Variants in ATRNL1 observed in about 807,000 individuals in gnomAD.
ATRNL1 encodes attractin like 1.
ATRNL1 carries 95 observed loss-of-function variants against 182.7 expected under a neutral mutation model. The ratio of observed to expected loss-of-function variants is 0.52; its 90% CI spans 0.44 to 0.62. The LOEUF (loss-of-function observed/expected upper bound fraction) is 0.62. ATRNL1 is among the 20% of genes least tolerant of loss of function. ATRNL1 has a pLI of 0.00. For missense variants in ATRNL1, 1,471 were observed against 1,679.5 expected (o/e 0.88, Z 2.17); for synonymous variants, 576 against 568.3 (o/e 1.01, Z -0.19).
At chr10:115,442,728 C>T (rs184625608) in intron 21 of ATRNL1, among the ~76,000 whole-genome samples, 3 of 152,178 alleles carry the variant, frequency 2.0e-5, no homozygotes, top group Non-Finnish European at 2.9e-5. Context: ...GCATATATCA[C>T]TCTCTTAAAA....
intron 13 of ATRNL1, among the ~76,000 whole-genome samples, chr10:115,274,031 G>T (rs1177074566): frequency 1.3e-5 from 2 of 152,170 alleles, no homozygotes; most frequent in Non-Finnish European, 2.9e-5. Context: ...CAGACTAAGA[G>T]CTGTTTCTGC....
intron 28 of ATRNL1, among the ~76,000 whole-genome samples, chr10:115,932,009 C>G (rs1953411381): frequency 6.6e-6 from 1 of 152,184 alleles, no homozygotes; most frequent in African/African-American, 2.4e-5. Flanking sequence ...TCTGATTTAC[C>G]TGCCTGTGGA....
At chr10:115,502,936 C>G (rs189472849) in intron 24 of ATRNL1, among the ~76,000 whole-genome samples, 1 of 152,076 alleles carries the variant, frequency 6.6e-6, no homozygotes, top group African/African-American at 2.4e-5. Context: ...ACCTCCTCTG[C>G]GATAGTTTTT....
At chr10:115,784,016 A>G (rs1356776647) in intron 27 of ATRNL1, among the ~76,000 whole-genome samples, 1 of 151,682 alleles carries the variant, frequency 6.6e-6, no homozygotes, top group Non-Finnish European at 1.5e-5. Context: ...CATCCCAAAA[A>G]CAACAACAAC....
intron 17 of ATRNL1, among the ~76,000 whole-genome samples, chr10:115,303,810 A>G (rs554000399): frequency 2.6e-5 from 4 of 152,310 alleles, no homozygotes; most frequent in South Asian, 2.1e-4. Flanking sequence ...AACTGTAGTT[A>G]CAGTTCAGTC....
At chr10:115,192,900 G>GT (rs1160381492) in intron 8 of ATRNL1, among the ~76,000 whole-genome samples, 5 of 151,752 alleles carry the variant, frequency 3.3e-5, no homozygotes, top group Admixed American at 2.6e-4. Flanking sequence ...GAATGCTACT[G>GT]TTTTTTTGTA....
intron 21 of ATRNL1, among the ~76,000 whole-genome samples, chr10:115,433,609 A>G (rs76438002): frequency 0.014 from 2,128 of 152,202 alleles, 50 homozygotes; most frequent in African/African-American, 0.047. Context: ...CAGTATTTTT[A>G]TTAAATTTTC....
chr10:115,697,310 T>A (rs782147842), intron 26 of ATRNL1, among the ~76,000 whole-genome samples: 3 of 152,034 alleles, frequency 2.0e-5, no homozygotes, highest in Admixed American at 6.6e-5. Flanking sequence ...AATATCACAG[T>A]TGGAATTTAT....
intron 26 of ATRNL1, among the ~76,000 whole-genome samples, chr10:115,597,239 A>C (rs2133932825): frequency 6.6e-6 from 1 of 152,298 alleles, no homozygotes; most frequent in South Asian, 2.1e-4. Flanking sequence ...CTAGTGAATC[A>C]TGTAAGTTCC....
intron 9 of ATRNL1, among the ~76,000 whole-genome samples, chr10:115,219,018 C>T (rs1476457723): frequency 1.3e-5 from 2 of 152,002 alleles, no homozygotes; most frequent in African/African-American, 2.4e-5. Context: ...GGGCAGATCA[C>T]GAGGTCAGGA....
intron 26 of ATRNL1, among the ~76,000 whole-genome samples, chr10:115,639,320 C>A (rs1592990634): frequency 6.6e-6 from 1 of 152,122 alleles, no homozygotes; most frequent in Admixed American, 6.6e-5. Flanking sequence ...GAAAGGGAAA[C>A]AAAAACACTG....
chr10:115,479,275 C>A, intron 24 of ATRNL1, among the ~76,000 whole-genome samples: 1 of 151,464 alleles, frequency 6.6e-6, no homozygotes, highest in East Asian at 1.9e-4. Context: ...GTACCATAGT[C>A]TTATATCTAT....
intron 27 of ATRNL1, among the ~76,000 whole-genome samples, chr10:115,744,645 C>T (rs1555068670): frequency 6.6e-6 from 1 of 151,924 alleles, no homozygotes; most frequent in African/African-American, 2.4e-5. Flanking sequence ...CCTCTTTTTG[C>T]CATAATATTT....
chr10:115,579,380 ATATATG>A (rs1394343736), intron 26 of ATRNL1, among the ~76,000 whole-genome samples: 1 of 151,764 alleles, frequency 6.6e-6, no homozygotes, highest in Non-Finnish European at 1.5e-5. Flanking sequence ...TAAGATGCAT[ATATATG>A]TATAATTATT....
chr10:115,689,578 A>G (rs76872374), intron 26 of ATRNL1, among the ~76,000 whole-genome samples: 2 of 152,180 alleles, frequency 1.3e-5, no homozygotes, highest in African/African-American at 4.8e-5. Flanking sequence ...AACAGCATAC[A>G]CTGGCACCAG....
intron 27 of ATRNL1, among the ~76,000 whole-genome samples, chr10:115,807,189 C>T (rs1555085837): frequency 6.6e-6 from 1 of 151,424 alleles, no homozygotes; most frequent in African/African-American, 2.4e-5. Context: ...GATCTCAGCT[C>T]ACTGCAAACT....
At position 115,180,906 on chromosome 10, in the gene ATRNL1, C is replaced by T. The variant is rs77791883; in HGVS notation, c.1348+9614C>T. 1.7e-3 allele frequency among the ~76,000 whole-genome samples: 260 copies of T among 151,922 alleles called. 1 individual carries two copies. Among genetic ancestry groups the T allele is most frequent in the African/African-American group, 6.0e-3 (248 of 41,512 alleles). ...TAGTAAATAGTTTAGGCTTTGTATC[C>T]TACTAAATTCTGTTGACTCTGTTGT... is the stretch of plus-strand genomic sequence containing the variant. On this transcript the variant is annotated intron_variant, in intron 8 of 28. Transcript: ENST00000355044.
chr10:115,389,172 G>C (rs1200413534), intron 19 of ATRNL1, among the ~76,000 whole-genome samples: 1 of 151,772 alleles, frequency 6.6e-6, no homozygotes, highest in African/African-American at 2.4e-5. Flanking sequence ...TTGTCTTTTT[G>C]TGCCTGGTTT....
intron 9 of ATRNL1, among the ~76,000 whole-genome samples, chr10:115,241,352 G>A (rs1473520572): frequency 6.6e-6 from 1 of 151,020 alleles, no homozygotes; most frequent in African/African-American, 2.4e-5. Flanking sequence ...TTTTGATATT[G>A]TGTCTCCTCA....
Sources: gnomAD v4.1 joint callset for allele counts (sites outside exome capture counted in the v4.1 genomes callset) on GRCh38, gnomAD v4.1.1 for gene constraint, MANE v1.5 for transcripts, NCBI Gene and HGNC (gene_info 2026-07-23, HGNC 2026-07-21) for gene names.